The following ZBTB38 variants were observed in gnomAD, a reference collection of about 807,000 sequenced individuals.
ZBTB38 encodes the protein zinc finger and BTB domain containing 38.
In ZBTB38, 20 loss-of-function variants were observed where a neutral mutation model predicts 76.8. The ratio of observed to expected loss-of-function variants is 0.26; its 90% CI spans 0.18 to 0.38. The LOEUF (loss-of-function observed/expected upper bound fraction) is 0.38, where lower values mean the gene tolerates loss of function less well. ZBTB38 is among the 10% of genes least tolerant of loss of function. The pLI, the probability that ZBTB38 is intolerant of heterozygous loss-of-function variation, is 1.00. For missense variants in ZBTB38, 1,082 were observed against 1,482.3 expected (o/e 0.73, Z 4.43); for synonymous variants, 504 against 544.2 (o/e 0.93, Z 1.03).
At chr3:141,375,441 T>G (rs1167927954) in intron 2 of ZBTB38, among the ~76,000 whole-genome samples, 1 of 152,186 alleles carries the variant, frequency 6.6e-6, no homozygotes, top group Non-Finnish European at 1.5e-5. Flanking sequence ...CAGATAGGCA[T>G]GCCCGTACTT....
intron 1 of ZBTB38, among the ~76,000 whole-genome samples, chr3:141,344,772 A>G (rs1476850583): frequency 1.3e-5 from 2 of 152,238 alleles, no homozygotes; most frequent in Non-Finnish European, 2.9e-5. Flanking sequence ...CTCTGCTTTT[A>G]AGGACTCAAG....
chr3:141,340,984 A>AAGAAAGAAAGAAAG lies in ZBTB38; in HGVS notation c.-739+16535_-739+16536insAAGAAAGAGAAAGA, dbSNP rs1559913290. On this transcript the variant is annotated intron_variant, in intron 1 of 7. Transcript: ENST00000509842. ...AAAGAAAGAAAGAAAGAAAGAAAGAAAGAAAGAGAAAGAAGAAAGAAAGAA... is the reference window on the plus strand; with the variant it reads ...AAAGAAAGAAAGAAAGAAAGAAAGAAAGAAAGAAAGAAAGAGAAAGAGAAAGAAGAAAGAAAGAA... Among the ~76,000 whole-genome samples, 158 of 144,228 alleles carry AAGAAAGAAAGAAAG rather than the reference A, an allele frequency of 1.1e-3. 1 individual carries two copies. The highest frequency in any genetic ancestry group is 4.1e-3 in the African/African-American group (155 of 37,428). 94.6% of individuals were successfully genotyped at this position (144,228 alleles called of 152,430 possible).
At chr3:141,441,032 C>CAAAAAAAAAA in intron 5 of ZBTB38, among the ~76,000 whole-genome samples, 1 of 64,602 alleles carries the variant, frequency 1.5e-5, no homozygotes, top group Non-Finnish European at 3.6e-5. Flanking sequence ...GACTCAATCT[C>CAAAAAAAAAA]AAAAAAAAAA....
In ZBTB38 at chr3:141,446,102, T is replaced by C; in HGVS notation, c.*126T>C. 3 of 842,262 alleles carry C rather than the reference T, an allele frequency of 3.6e-6. No homozygotes were observed. Among genetic ancestry groups the C allele is most frequent in the Non-Finnish European group, 5.0e-6 (3 of 596,232 alleles). 52.2% of individuals were successfully genotyped at this position (842,262 alleles called of 1,614,324 possible). A position where few individuals can be genotyped will look rare whatever the true frequency, so the allele number is the denominator to read the frequency against. On this transcript the variant is annotated 3_prime_UTR_variant, in exon 6 of 6. Transcript: ENST00000321464. The stretch of plus-strand genomic sequence containing the variant: ...TGAAATTAAAAAAAAAAAAAACTCA[T>C]TTGTGAAAATTCCAGAAAAAGGATC...
intron 5 of ZBTB38, among the ~76,000 whole-genome samples, chr3:141,431,381 G>A (rs1318137372): frequency 4.2e-5 from 6 of 143,956 alleles, no homozygotes; most frequent in Non-Finnish European, 8.9e-5. Context: ...AGTGTCAGTG[G>A]AATTTGGGTA....
chr3:141,444,733 C>T lies in ZBTB38; in HGVS notation c.2345C>T (p.Ser782Leu). ...KSIKEKKKTT[S>L]HTRGEIPEES... ...ATTAAGGAGAAAAAGAAAACTACAT[C>T]ACATACCAGGGGAGAAATACCGGAG... Residue 782 changes from serine to leucine, a missense_variant, in exon 6 of 6, where the codon TCA becomes TTA. Coordinates refer to ENST00000321464, the MANE Select transcript of ZBTB38 (RefSeq NM_001376113.1). This position sits in a 1 kb window ranked among gnomAD's most constrained non-coding sequence, Gnocchi z 5.1. The T allele has an allele frequency of 6.2e-7, 1 of 1,614,132 alleles. No homozygotes were observed. Among genetic ancestry groups the T allele is most frequent in the Non-Finnish European group, 8.5e-7 (1 of 1,180,032 alleles).
chr3:141,378,367 C>CAGAGTGTAGTGTAGTGTAGTGTAG (rs1399090781), intron 2 of ZBTB38, among the ~76,000 whole-genome samples: 2 of 151,632 alleles, frequency 1.3e-5, no homozygotes, highest in Non-Finnish European at 2.9e-5. Flanking sequence ...CAGGTACACA[C>CAGAGTGTAGTGTAGTGTAGTGTAG]ACACACACAC....
upstream of ZBTB38, among the ~76,000 whole-genome samples, chr3:141,365,036 G>C (rs1228833718): frequency 6.6e-6 from 1 of 151,934 alleles, no homozygotes; most frequent in African/African-American, 2.4e-5. Flanking sequence ...CCACTCTTTT[G>C]TGTCTACCCA....
At chr3:141,339,573 G>T (rs1290213611) in intron 1 of ZBTB38, among the ~76,000 whole-genome samples, 1 of 152,178 alleles carries the variant, frequency 6.6e-6, no homozygotes, top group African/African-American at 2.4e-5. Flanking sequence ...TGTTTCGAAG[G>T]TAGAGCTGAT....
intron 1 of ZBTB38, among the ~76,000 whole-genome samples, chr3:141,340,538 A>C (rs1329315600): frequency 6.6e-6 from 1 of 152,202 alleles, no homozygotes. Context: ...CTCAATAATA[A>C]AAAAGACAGA....
intron 2 of ZBTB38, among the ~76,000 whole-genome samples, chr3:141,371,511 T>TC (rs397934960): frequency 6.6e-6 from 1 of 152,038 alleles, no homozygotes; most frequent in Non-Finnish European, 1.5e-5. Context: ...GGCTAATTTT[T>TC]GTATTTTTTG....
At position 141,445,349 on chromosome 3, in the gene ZBTB38, T is replaced by G; in HGVS notation, c.2961T>G (p.Cys987Trp). 2 of 1,614,060 alleles carry G rather than the reference T, an allele frequency of 1.2e-6. No homozygotes were observed. Among genetic ancestry groups the G allele is most frequent in the Non-Finnish European group, 8.5e-7 (1 of 1,180,012 alleles). The change falls in exon 6 of 6, where the codon TGT (cysteine) becomes TGG (tryptophan). Residue 987 changes from cysteine (C) to tryptophan (W), a missense_variant. This residue lies in a region of ZBTB38 where 471 missense variants were observed against 581.0 expected (regional missense o/e 0.81). Transcript: ENST00000321464. The surrounding 1 kb of genome is among the most constrained non-coding windows in gnomAD (Gnocchi z 6.5). ...KEMPKLQCEL[C>W]DGDKAVGAGN... ...TGCCCAAGCTGCAGTGTGAACTCTG[T>G]GATGGAGACAAAGCAGTGGGGGCTG...
chr3:141,426,241 C>A (rs2076355395), intron 5 of ZBTB38: 2 of 1,267,258 alleles, frequency 1.6e-6, no homozygotes, highest in Non-Finnish European at 2.1e-6. Flanking sequence ...TAATTTTCAG[C>A]AGGATGCAAA....
rs143728776 is a variant in ZBTB38, at chr3:141,348,098, C to A, written c.-738-20523C>A. On this transcript the variant is annotated intron_variant, in intron 1 of 7. Coordinates refer to the ZBTB38 transcript ENST00000509842. ...GTAATTATTTGTTTGAAGGGTAGTT[C>A]TTAATCTATTGAAGTTATTTGTATT... Among the ~76,000 whole-genome samples the A allele has an allele frequency of 9.9e-5, 15 of 152,254 alleles. No individual in the cohort carries two copies. The East Asian group carries it at 2.7e-3, about 27-fold the overall frequency.
intron 2 of ZBTB38, among the ~76,000 whole-genome samples, chr3:141,370,263 G>A (rs1274538686): frequency 2.6e-5 from 4 of 152,194 alleles, no homozygotes; most frequent in Admixed American, 6.5e-5. Flanking sequence ...TTTCAAGGTC[G>A]CCTAGGGGTG....
At chr3:141,349,301 T>C (rs1009637244) in intron 1 of ZBTB38, among the ~76,000 whole-genome samples, 2 of 152,200 alleles carry the variant, frequency 1.3e-5, no homozygotes, top group African/African-American at 2.4e-5. Context: ...CAAATAGTTA[T>C]AAAACACTGC....
At position 141,446,909 on chromosome 3, in the gene ZBTB38, C is replaced by T. The variant is rs1022444415; in HGVS notation, c.*933C>T. 6.6e-6 allele frequency: 1 copy of T among 152,658 alleles called. No homozygotes were observed. The highest frequency in any genetic ancestry group is 2.4e-5 in the African/African-American group (1 of 41,446). 9.5% of individuals were successfully genotyped at this position (152,658 alleles called of 1,614,324 possible). On this transcript the variant is annotated 3_prime_UTR_variant, in exon 6 of 6. Transcript: ENST00000321464. ...CATCTCAGAGAATGAAAGAGGGTCA[C>T]ATTGTTCTGAAACTCTCTGCAGTCT...
intron 1 of ZBTB38, among the ~76,000 whole-genome samples, chr3:141,334,665 G>T (rs952421191): frequency 6.6e-6 from 1 of 152,054 alleles, no homozygotes; most frequent in African/African-American, 2.4e-5. Flanking sequence ...GGACTGTCCT[G>T]TGGTCTGCAG....
chr3:141,421,859 T>G (rs1408820387), intron 5 of ZBTB38, among the ~76,000 whole-genome samples: 3 of 152,230 alleles, frequency 2.0e-5, no homozygotes, highest in Non-Finnish European at 4.4e-5. Flanking sequence ...CTGCCCATTT[T>G]GAGAAAGGTC....
Sources: gnomAD v4.1 joint callset for allele counts (sites outside exome capture counted in the v4.1 genomes callset) on GRCh38, gnomAD v4.1.1 for gene constraint, gnomAD v4.1.1 regional missense constraint, Gnocchi (gnomAD v3.1) non-coding constraint, MANE v1.5 for transcripts, NCBI Gene and HGNC (gene_info 2026-07-23, HGNC 2026-07-21) for gene names.